The following DLG2 variants were observed in gnomAD, a reference collection of about 807,000 sequenced individuals.
DLG2 encodes the protein disks large homolog 2.
Under a neutral mutation model 132.5 loss-of-function variants are expected in DLG2, and 45 were observed. That is an observed-to-expected ratio of 0.34 (90% CI 0.27 to 0.44). The LOEUF (loss-of-function observed/expected upper bound fraction) is 0.44. DLG2 is among the 20% of genes least tolerant of loss of function. DLG2 has a pLI of 1.00. For synonymous variants in DLG2, 424 were observed against 419.6 expected (o/e 1.01, Z -0.13); for missense variants, 1,045 against 1,196.9 (o/e 0.87, Z 1.87).
chr11:84,264,695 T>C (rs1461557033), intron 7 of DLG2, among the ~76,000 whole-genome samples: 1 of 152,182 alleles, frequency 6.6e-6, no homozygotes, highest in Non-Finnish European at 1.5e-5. Flanking sequence ...TTCATTTGTT[T>C]TATAAAGGTT....
intron 11 of DLG2, among the ~76,000 whole-genome samples, chr11:84,035,764 C>T (rs529454024): frequency 6.6e-6 from 1 of 152,204 alleles, no homozygotes; most frequent in African/African-American, 2.4e-5. Flanking sequence ...GGAACAGGGA[C>T]CAGTTTGAGT....
chr11:84,700,534 C>A (rs930391439), intron 6 of DLG2, among the ~76,000 whole-genome samples: 1 of 151,594 alleles, frequency 6.6e-6, no homozygotes, highest in African/African-American at 2.4e-5. Context: ...AAAATCAGAT[C>A]TTATTCAAAC....
intron 16 of DLG2, among the ~76,000 whole-genome samples, chr11:83,852,478 G>C (rs1345601929): frequency 6.6e-6 from 1 of 152,134 alleles, no homozygotes; most frequent in Non-Finnish European, 1.5e-5. Context: ...ATGTAGTTAA[G>C]ATATGTATGT....
chr11:85,268,318 C>A (rs926756048), intron 4 of DLG2, among the ~76,000 whole-genome samples: 1 of 152,166 alleles, frequency 6.6e-6, no homozygotes, highest in Non-Finnish European at 1.5e-5. Flanking sequence ...AAGAATGCAA[C>A]CATTAGTCTC....
At chr11:83,505,710 C>T (rs1434375824) in intron 21 of DLG2, among the ~76,000 whole-genome samples, 1 of 152,228 alleles carries the variant, frequency 6.6e-6, no homozygotes, top group African/African-American at 2.4e-5. Flanking sequence ...ATTTCTCCTT[C>T]CATGCAAAGC....
intron 6 of DLG2, among the ~76,000 whole-genome samples, chr11:85,084,937 T>C (rs939636707): frequency 1.3e-5 from 2 of 152,196 alleles, no homozygotes; most frequent in African/African-American, 4.8e-5. Context: ...CTCAAAGCTA[T>C]GCAAATATAG....
chr11:85,019,711 A>G (rs1490266262), intron 6 of DLG2, among the ~76,000 whole-genome samples: 3 of 152,122 alleles, frequency 2.0e-5, no homozygotes, highest in Non-Finnish European at 2.9e-5. Flanking sequence ...GAGTGAGAAC[A>G]TGCGGTGTTT....
At chr11:83,751,490 A>T (rs1436854033) in intron 18 of DLG2, among the ~76,000 whole-genome samples, 1 of 152,212 alleles carries the variant, frequency 6.6e-6, no homozygotes, top group Non-Finnish European at 1.5e-5. Context: ...AACATAACCA[A>T]GGTGACCATT....
chr11:83,713,915 T>G (rs573864713), intron 18 of DLG2, among the ~76,000 whole-genome samples: 1 of 152,152 alleles, frequency 6.6e-6, no homozygotes, highest in Non-Finnish European at 1.5e-5. Context: ...GGAACACAGA[T>G]GTCTTTTCAG....
chr11:84,935,261 A>T (rs1482416176), intron 6 of DLG2, among the ~76,000 whole-genome samples: 1 of 152,118 alleles, frequency 6.6e-6, no homozygotes, highest in African/African-American at 2.4e-5. Context: ...TATATTCTTG[A>T]CCCCTCTAAT....
intron 6 of DLG2, among the ~76,000 whole-genome samples, chr11:84,683,802 A>G (rs1230953619): frequency 6.6e-6 from 1 of 152,160 alleles, no homozygotes; most frequent in African/African-American, 2.4e-5. Context: ...ACAATGTCCT[A>G]TTGCTGAATC....
rs2086613740 is a variant in DLG2, at chr11:85,389,383, T to C, written c.41-104018A>G. Among the ~76,000 whole-genome samples, 2 of 152,164 alleles carry C rather than the reference T, an allele frequency of 1.3e-5. 1 individual carries two copies. The highest frequency in any genetic ancestry group is 4.1e-4 in the South Asian group (2 of 4,836). ...TATGTGAAACGACCAAACCTAAGAATAACTGATGCTCCCAAGGAAGAAGAG... is the reference window on the plus strand; with the variant it reads ...TATGTGAAACGACCAAACCTAAGAACAACTGATGCTCCCAAGGAAGAAGAG... On this transcript the variant is annotated intron_variant, in intron 3 of 27. Transcript: ENST00000376104.
rs59301159 is a variant in DLG2, at chr11:84,784,143, C to CAAAAAAAA, written c.358-249420_358-249413dup. On this transcript the variant is annotated intron_variant, in intron 6 of 27. Coordinates refer to ENST00000376104, the MANE Select transcript of DLG2 (RefSeq NM_001142699.3). ...TGAAACCCCATCTCTACTAAAAATG[C>CAAAAAAAA]AAAAAAAAAAAAAAAAAAAAAAAAA... 1.0e-3 allele frequency among the ~76,000 whole-genome samples: 9 copies of CAAAAAAAA among 8,656 alleles called. 3 individuals are homozygous for CAAAAAAAA. Among genetic ancestry groups the CAAAAAAAA allele is most frequent in the African/African-American group, 2.4e-3 (5 of 2,114 alleles). The allele number at this position is 8,656 out of a possible 152,430, so 5.7% of individuals were successfully genotyped here. A position where few individuals can be genotyped will look rare whatever the true frequency, so the allele number is the denominator to read the frequency against.
chr11:85,434,953 A>T (rs571322261), intron 3 of DLG2, among the ~76,000 whole-genome samples: 4 of 152,140 alleles, frequency 2.6e-5, no homozygotes, highest in Non-Finnish European at 4.4e-5. Context: ...TCCAGCAGCA[A>T]ATCAAAAAGC....
intron 18 of DLG2, among the ~76,000 whole-genome samples, chr11:83,714,009 T>C (rs2086105479): frequency 6.6e-6 from 1 of 152,182 alleles, no homozygotes; most frequent in Non-Finnish European, 1.5e-5. Context: ...GAAAACATAC[T>C]ATTGGGTCAA....
Position 84,396,004 on chromosome 11 carries a change from G to A in DLG2, c.519+138566C>T, listed in dbSNP as rs1004862385. ...CCTATTATGTTTATAGAAACATTAC[G>A]AGGCATCAAACAATAAGAAGTCTAA... On this transcript the variant is annotated intron_variant, in intron 7 of 27. Coordinates refer to ENST00000376104, the MANE Select transcript of DLG2 (RefSeq NM_001142699.3). Among the ~76,000 whole-genome samples the A allele has an allele frequency of 4.6e-5, 7 of 152,146 alleles. No individual in the cohort carries two copies. The South Asian group carries it at 8.3e-4, about 18-fold the overall frequency.
intron 22 of DLG2, among the ~76,000 whole-genome samples, chr11:83,473,924 G>A (rs536381110): frequency 1.8e-4 from 28 of 152,222 alleles, no homozygotes; most frequent in African/African-American, 6.3e-4. Flanking sequence ...GTATAGCTGC[G>A]AAGTTGGATG....
intron 17 of DLG2, among the ~76,000 whole-genome samples, chr11:83,822,531 C>A (rs544894231): frequency 6.6e-6 from 1 of 152,252 alleles, no homozygotes; most frequent in Admixed American, 6.5e-5. Context: ...CTTTTCCCAC[C>A]CCTCAGCAGC....
At chr11:85,179,953 T>C (rs909365457) in intron 4 of DLG2, among the ~76,000 whole-genome samples, 2 of 151,920 alleles carry the variant, frequency 1.3e-5, no homozygotes, top group African/African-American at 4.8e-5. Context: ...TAGCAAATTG[T>C]CCAAGGACAC....
Sources: gnomAD v4.1 joint callset for allele counts (sites outside exome capture counted in the v4.1 genomes callset) on GRCh38, gnomAD v4.1.1 for gene constraint, MANE v1.5 for transcripts, NCBI Gene and HGNC (gene_info 2026-07-23, HGNC 2026-07-21) for gene names.